Variants in NTM observed in about 807,000 individuals in gnomAD.
The protein encoded by NTM is IgLON family member 2.
In NTM, 13 loss-of-function variants were observed where a neutral mutation model predicts 42.1. The ratio of observed to expected loss-of-function variants is 0.31; its 90% CI spans 0.20 to 0.49. The LOEUF (loss-of-function observed/expected upper bound fraction) is 0.49, where lower values mean the gene tolerates loss of function less well. Ranked by LOEUF, NTM falls within the 20% of genes least tolerant of loss-of-function variation. The pLI, the probability that NTM is intolerant of heterozygous loss-of-function variation, is 0.99. For missense variants in NTM, 373 were observed against 452.8 expected (o/e 0.82, Z 1.60); for synonymous variants, 187 against 179.2 (o/e 1.04, Z -0.35).
At chr11:131,947,418 C>T (rs73029676) in intron 2 of NTM, among the ~76,000 whole-genome samples, 45 of 152,260 alleles carry the variant, frequency 3.0e-4, no homozygotes, top group Non-Finnish European at 6.0e-4. Context: ...GAGTTCTGCA[C>T]CCCTGCCAGA....
intron 1 of NTM, among the ~76,000 whole-genome samples, chr11:131,444,974 A>G (rs1949939193): frequency 6.6e-6 from 1 of 152,234 alleles, no homozygotes; most frequent in South Asian, 2.1e-4. Flanking sequence ...CCATAAGTAA[A>G]TATCTTAATG....
At chr11:131,636,685 C>G (rs879508397) in intron 1 of NTM, among the ~76,000 whole-genome samples, 1 of 152,188 alleles carries the variant, frequency 6.6e-6, no homozygotes, top group African/African-American at 2.4e-5. Flanking sequence ...GGCTTCAGAA[C>G]GAAACAGATC....
intron 1 of NTM, among the ~76,000 whole-genome samples, chr11:131,507,624 T>C (rs1333445371): frequency 1.2e-4 from 18 of 149,862 alleles, no homozygotes; most frequent in Non-Finnish European, 1.9e-4. Flanking sequence ...GGGGATGGCA[T>C]TGAATCTGTA....
chr11:132,090,298 C>T (rs1007766332), intron 2 of NTM, among the ~76,000 whole-genome samples: 2 of 152,178 alleles, frequency 1.3e-5, no homozygotes, highest in Non-Finnish European at 2.9e-5. Context: ...TGGCCCTTCA[C>T]ACCTTCCCTA....
intron 2 of NTM, among the ~76,000 whole-genome samples, chr11:132,125,296 TG>T (rs2065496403): frequency 6.6e-6 from 1 of 151,806 alleles, no homozygotes. Context: ...TGTGTGTGTG[TG>T]TGTGTGTGGT....
intron 1 of NTM, among the ~76,000 whole-genome samples, chr11:131,514,729 C>T (rs2048679595): frequency 6.6e-6 from 1 of 152,040 alleles, no homozygotes; most frequent in African/African-American, 2.4e-5. Flanking sequence ...CAGGTCCCTA[C>T]AGGTCCATGC....
intron 1 of NTM, among the ~76,000 whole-genome samples, chr11:131,711,694 C>A (rs1221021420): frequency 6.6e-5 from 10 of 151,580 alleles, no homozygotes; most frequent in Non-Finnish European, 1.2e-4. Context: ...ATGTTTATTG[C>A]GGCACTATTC....
At chr11:131,966,998 A>G (rs920242110) in intron 2 of NTM, among the ~76,000 whole-genome samples, 1 of 152,158 alleles carries the variant, frequency 6.6e-6, no homozygotes, top group Non-Finnish European at 1.5e-5. Context: ...AGAGGTGTCA[A>G]GAGCAATTCC....
intron 1 of NTM, among the ~76,000 whole-genome samples, chr11:131,555,783 T>TG (rs1345845510): frequency 3.3e-5 from 5 of 152,054 alleles, no homozygotes; most frequent in Admixed American, 1.3e-4. Context: ...GACAACCCCG[T>TG]GGGGCACAGA....
intron 1 of NTM, among the ~76,000 whole-genome samples, chr11:131,859,002 CCAGT>C (rs1167072007): frequency 2.0e-5 from 3 of 152,154 alleles, no homozygotes; most frequent in African/African-American, 7.2e-5. Flanking sequence ...ACAACCTCAG[CCAGT>C]CAGAGTTTTG....
intron 2 of NTM, among the ~76,000 whole-genome samples, chr11:132,083,376 A>G (rs1049347603): frequency 2.0e-5 from 3 of 152,238 alleles, no homozygotes; most frequent in Non-Finnish European, 4.4e-5. Context: ...TTATTTGCAT[A>G]AAGTGCAGCA....
At chr11:131,736,880 C>T (rs1329206007) in intron 1 of NTM, among the ~76,000 whole-genome samples, 3 of 152,106 alleles carry the variant, frequency 2.0e-5, no homozygotes, top group Non-Finnish European at 4.4e-5. Context: ...AGTGTTGATC[C>T]ATCACATTTG....
intron 1 of NTM, among the ~76,000 whole-genome samples, chr11:131,829,202 G>T (rs1355539230): frequency 1.3e-5 from 2 of 151,926 alleles, no homozygotes; most frequent in Non-Finnish European, 2.9e-5. Flanking sequence ...TACAAATTTT[G>T]CTTTAGATTC....
At chr11:132,106,260 G>A (rs980968129) in intron 2 of NTM, among the ~76,000 whole-genome samples, 16 of 152,160 alleles carry the variant, frequency 1.1e-4, no homozygotes, top group Admixed American at 2.0e-4. Flanking sequence ...ATACCAACAC[G>A]GCTCCCTCTC....
At chr11:131,861,657 CA>C (rs1176641806) in intron 1 of NTM, among the ~76,000 whole-genome samples, 2 of 151,848 alleles carry the variant, frequency 1.3e-5, no homozygotes, top group African/African-American at 4.8e-5. Flanking sequence ...GCTCATTATA[CA>C]ATTGGAAAAT....
chr11:131,675,614 C>G (rs796266967), intron 1 of NTM, among the ~76,000 whole-genome samples: 1 of 152,128 alleles, frequency 6.6e-6, no homozygotes, highest in Admixed American at 6.5e-5. Context: ...CTCGAGTTCT[C>G]GCAGCTGCTA....
chr11:131,521,061 A>G (rs11222682), intron 1 of NTM, among the ~76,000 whole-genome samples: 12,884 of 152,018 alleles, frequency 0.085, 628 homozygotes, highest in Middle Eastern at 0.15. Flanking sequence ...GTGGTGGCTC[A>G]TGCCTGTAAT....
At chr11:131,568,759 C>T (rs902530992) in intron 1 of NTM, among the ~76,000 whole-genome samples, 4 of 152,030 alleles carry the variant, frequency 2.6e-5, no homozygotes, top group Admixed American at 2.0e-4. Context: ...AGCACCAGCA[C>T]GCATTCAAAG....
rs568990869 is a variant in NTM, at chr11:131,617,561, A to C, written c.82+246673A>C. Among the ~76,000 whole-genome samples, 9 of 152,264 alleles carry C rather than the reference A, an allele frequency of 5.9e-5. No homozygotes were observed. In the South Asian group the frequency reaches 1.9e-3, roughly 32 times the overall value. On this transcript the variant is annotated intron_variant, in intron 1 of 8. Transcript: ENST00000683400. ...CTCAGCATGAGGCAAGCGTGTGCTC[A>C]AGGCTGGTGTCTGAGTGCTGAGCAG...
Sources: allele counts gnomAD v4.1 joint callset (sites outside exome capture counted in the v4.1 genomes callset), GRCh38; gene constraint gnomAD v4.1.1; transcripts MANE v1.5; gene names NCBI Gene and HGNC (gene_info 2026-07-23, HGNC 2026-07-21).